TNFRSF1B: variants seen among roughly 807,000 people sequenced by gnomAD.
The protein encoded by TNFRSF1B is tumor necrosis factor receptor superfamily member 1B.
In TNFRSF1B, 19 loss-of-function variants were observed where a neutral mutation model predicts 44.6. The ratio of observed to expected loss-of-function variants is 0.43; its 90% CI spans 0.30 to 0.62. TNFRSF1B has a LOEUF of 0.62. TNFRSF1B is among the 20% of genes least tolerant of loss of function. The pLI is 0.16. For synonymous variants in TNFRSF1B, 252 were observed against 261.1 expected (o/e 0.97, Z 0.34); for missense variants, 541 against 619.9 (o/e 0.87, Z 1.35).
chr1:12,206,565 C>T (rs1051202914), intron 9 of TNFRSF1B, among the ~76,000 whole-genome samples, 175 bp from the exon 10 acceptor site: 20 of 152,160 alleles, frequency 1.3e-4, no homozygotes, highest in Non-Finnish European at 2.6e-4. Flanking sequence ...AAATGAGGCA[C>T]ATGCAGGTTA....
intron 8 of TNFRSF1B, among the ~76,000 whole-genome samples, chr1:12,198,180 C>T (rs1011849300): frequency 9.9e-5 from 15 of 151,346 alleles, no homozygotes; most frequent in Non-Finnish European, 1.5e-4. Context: ...CCCATGGACA[C>T]GGACACACTC....
intron 9 of TNFRSF1B, among the ~76,000 whole-genome samples, chr1:12,203,420 A>C (rs1215925064): frequency 6.6e-6 from 1 of 151,938 alleles, no homozygotes; most frequent in Admixed American, 6.6e-5. Flanking sequence ...GCTGCTCCCC[A>C]GCTCACTGCG....
rs1029936817 is a variant in TNFRSF1B, at chr1:12,166,992, G to A, written c.-100G>A. The A allele has an allele frequency of 9.1e-6, 9 of 987,314 alleles. No individual in the cohort carries two copies. Among genetic ancestry groups the A allele is most frequent in the Non-Finnish European group, 1.2e-5 (9 of 767,192 alleles). 61.2% of individuals were successfully genotyped at this position (987,314 alleles called of 1,614,324 possible). A position where few individuals can be genotyped will look rare whatever the true frequency, so the allele number is the denominator to read the frequency against. On this transcript the variant is annotated 5_prime_UTR_variant, in exon 1 of 10. Coordinates refer to ENST00000376259, the MANE Select transcript of TNFRSF1B (RefSeq NM_001066.3). ...GCTGGGGCGCGGGCTTTCGCTTTCA[G>A]TCGAGGGCTAGCGAGCGCAGCGGAG...
rs1639186627 is a variant in TNFRSF1B, at chr1:12,193,081, A to C, written c.770A>C (p.Asp257Ala). The C allele has an allele frequency of 3.7e-6, 6 of 1,613,992 alleles. No individual in the cohort carries two copies. The East Asian group carries it at 1.3e-4, about 36-fold the overall frequency. ...CCCCCAGCTGAAGGGAGCACTGGCG[A>C]CTTCGCTCTTCCAGTTGGTAAGTCG... The part of the protein sequence containing the change: ...PSPPAEGSTG[D>A]FALPVGLIVG... The change falls in exon 6 of 10, where the codon GAC (aspartate) becomes GCC (alanine). Residue 257 changes from aspartate to alanine, a missense_variant. By Grantham distance (126) the Asp-to-Ala change is moderately radical. Transcript: ENST00000376259.
intron 8 of TNFRSF1B, among the ~76,000 whole-genome samples, chr1:12,194,847 G>A (rs749348144): frequency 6.6e-6 from 1 of 152,220 alleles, no homozygotes; most frequent in Non-Finnish European, 1.5e-5. Flanking sequence ...CGTGGCGTTC[G>A]TGGCAGGCAC....
At position 12,190,979 on chromosome 1, in the gene TNFRSF1B, T is replaced by C. The variant is rs1019094880; in HGVS notation, c.201T>C (p.Cys67=). The part of the protein sequence containing the change: ...CSPGQHAKVF[C]TKTSDTVCDS... ...CAGGCCAACATGCAAAAGTCTTCTG[T>C]ACCAAGACCTCGGACACCGTGTGTG... Residue 67 remains cysteine, a synonymous_variant, in exon 3 of 10, where the codon TGT becomes TGC. Transcript: ENST00000376259. The C allele has an allele frequency of 2.5e-6, 4 of 1,614,078 alleles. No individual in the cohort carries two copies. The highest frequency in any genetic ancestry group is 1.6e-4 in the Middle Eastern group (1 of 6,062).
Position 12,206,917 on chromosome 1 carries a change from G to A in TNFRSF1B, c.1283G>A (p.Cys428Tyr). 1 of 1,614,218 alleles carries A rather than the reference G, an allele frequency of 6.2e-7. No individual in the cohort carries two copies. Among genetic ancestry groups the A allele is most frequent in the Non-Finnish European group, 8.5e-7 (1 of 1,180,028 alleles). The stretch of plus-strand genomic sequence containing the variant: ...CAGGTCCCCTTCTCCAAGGAGGAAT[G>A]TGCCTTTCGGTCACAGCTGGAGACG... ...DEQVPFSKEE[C>Y]AFRSQLETPE... The change falls in exon 10 of 10, where the codon TGT becomes TAT. Residue 428 changes from cysteine (C) to tyrosine (Y), a missense_variant. Transcript: ENST00000376259.
At chr1:12,202,304 GGTTCGCTGAACCTAA>G in intron 9 of TNFRSF1B, 133 bp downstream of exon 9, 1 of 1,376,878 alleles carries the variant, frequency 7.3e-7, no homozygotes, top group South Asian at 1.5e-5. Context: ...AACTTCCTTC[GGTTCGCTGAACCTAA>G]GTTCCCTCCC....
intron 1 of TNFRSF1B, among the ~76,000 whole-genome samples, chr1:12,173,831 T>C (rs1028317283): frequency 6.6e-6 from 1 of 152,228 alleles, no homozygotes; most frequent in African/African-American, 2.4e-5. Context: ...CCCACCTCTC[T>C]GGGACCCACA....
chr1:12,181,881 C>T (rs929050651), intron 1 of TNFRSF1B, among the ~76,000 whole-genome samples: 61 of 152,216 alleles, frequency 4.0e-4, no homozygotes, highest in African/African-American at 1.3e-3. Flanking sequence ...CACCCAGCAC[C>T]CCTGAGGTCT....
chr1:12,182,853 T>A (rs1638842216), intron 1 of TNFRSF1B, among the ~76,000 whole-genome samples: 1 of 152,148 alleles, frequency 6.6e-6, no homozygotes, highest in Non-Finnish European at 1.5e-5. Flanking sequence ...CCATCTGGGA[T>A]GGAGGCTGCA....
intron 8 of TNFRSF1B, among the ~76,000 whole-genome samples, chr1:12,200,386 C>G (rs1639358899): frequency 6.6e-6 from 1 of 151,572 alleles, no homozygotes; most frequent in South Asian, 2.1e-4. Flanking sequence ...CGCTCTCTGC[C>G]CCGGAATGAT....
intron 8 of TNFRSF1B, among the ~76,000 whole-genome samples, chr1:12,198,300 G>A (rs1263108330): frequency 6.6e-6 from 1 of 152,138 alleles, no homozygotes; most frequent in African/African-American, 2.4e-5. Context: ...GCCACACGCA[G>A]GCAGTATGAT....
rs1275280555 is a variant in TNFRSF1B at position 12,207,084 on chromosome 1, A to G, written c.*64A>G. The G allele has an allele frequency of 7.3e-6, 11 of 1,497,306 alleles. No homozygotes were observed. The highest frequency in any genetic ancestry group is 8.9e-7 in the Non-Finnish European group (1 of 1,119,510). The allele number at this position is 1,497,306 out of a possible 1,614,324, so 92.8% of individuals were successfully genotyped here. On this transcript the variant is annotated 3_prime_UTR_variant, in exon 10 of 10. Transcript: ENST00000376259. ...GAGCCCTGGCAGGATGACCCTGCGA[A>G]GGGGCCCTGGTCCTTCCAGGCCCCC...
intron 3 of TNFRSF1B, among the ~76,000 whole-genome samples, chr1:12,191,374 CG>C (rs1639119446): frequency 6.6e-6 from 1 of 152,084 alleles, no homozygotes; most frequent in Non-Finnish European, 1.5e-5. Context: ...AGCAGGACTG[CG>C]GGGAGGAGCG....
At position 12,194,576 on chromosome 1, in the gene TNFRSF1B, C is replaced by G; in HGVS notation, c.866-8C>G. 6.2e-7 allele frequency: 1 copy of G among 1,614,164 alleles called. No individual in the cohort carries two copies. Among genetic ancestry groups the G allele is most frequent in the Non-Finnish European group, 8.5e-7 (1 of 1,179,992 alleles). ...CAATCTCTTACTTGTCCCCTCTCCT[C>G]TTTATAGAGAAGCCCTTGTGCCTGC... On this transcript the variant is annotated splice_region_variant and splice_polypyrimidine_tract_variant and intron_variant, in intron 7 of 9. Transcript: ENST00000376259.
chr1:12,206,605 C>T (rs1639507920), intron 9 of TNFRSF1B, 135 bp from the exon 10 acceptor site: 1 of 941,616 alleles, frequency 1.1e-6, no homozygotes, highest in Non-Finnish European at 1.5e-6. Flanking sequence ...CACAGCAGAG[C>T]TGGGCTAGAA....
chr1:12,182,604 CT>C (rs1168362380), intron 1 of TNFRSF1B, among the ~76,000 whole-genome samples: 1 of 152,210 alleles, frequency 6.6e-6, no homozygotes, highest in Non-Finnish European at 1.5e-5. Context: ...ACCTTTGCCC[CT>C]GACTTTCTCC....
In TNFRSF1B at chr1:12,203,738, A is replaced by T. The variant is rs235222; in HGVS notation, c.1105+1567A>T. On this transcript the variant is annotated intron_variant, in intron 9 of 9. Coordinates refer to ENST00000376259, the MANE Select transcript of TNFRSF1B (RefSeq NM_001066.3). ...TGGATTCGTCTGATTTTTTTTTTTTAAATGGGGTCTCGCTCGTCGCCTAGG... is the reference window on the plus strand; with the variant it reads ...TGGATTCGTCTGATTTTTTTTTTTTTAATGGGGTCTCGCTCGTCGCCTAGG... 3.3e-3 allele frequency among the ~76,000 whole-genome samples: 502 copies of T among 151,428 alleles called. 2 individuals are homozygous for T. Among genetic ancestry groups the T allele is most frequent in the African/African-American group, 0.011 (444 of 41,318 alleles).
Sources: gnomAD v4.1 joint callset for allele counts (sites outside exome capture counted in the v4.1 genomes callset) on GRCh38, gnomAD v4.1.1 for gene constraint, MANE v1.5 for transcripts, NCBI Gene and HGNC (gene_info 2026-07-23, HGNC 2026-07-21) for gene names.